The following QTGAL variants were observed in gnomAD, a reference collection of about 807,000 sequenced individuals.
QTGAL encodes the protein queuosine-tRNA galactosyltransferase.
chr17:83,010,642 G>A, the QTGAL span, among the ~76,000 whole-genome samples: 1,007 of 152,358 alleles, frequency 6.6e-3, 8 homozygotes, highest in Non-Finnish European at 0.012. Flanking sequence ...AGAGTGCACC[G>A]CGGACTTCAT....
the QTGAL span, chr17:83,006,334 G>A: frequency 3.0e-6 from 3 of 985,366 alleles, no homozygotes; most frequent in Non-Finnish European, 3.6e-6. The surrounding 1 kb of genome is among the most constrained non-coding windows in gnomAD (Gnocchi z 5.8). Context: ...AGTTAATGAC[G>A]TGCTTGGGGG....
the QTGAL span, among the ~76,000 whole-genome samples, chr17:82,959,769 C>T: frequency 6.6e-6 from 1 of 152,010 alleles, no homozygotes; most frequent in Non-Finnish European, 1.5e-5. Flanking sequence ...CTCGACGGCC[C>T]CTTGTCTCCT....
At chr17:83,028,335 T>A in the QTGAL span, among the ~76,000 whole-genome samples, 15 of 150,460 alleles carry the variant, frequency 1.0e-4, no homozygotes, top group Admixed American at 9.3e-4. Context: ...CCATCCTGGC[T>A]AACACGGTGA....
the QTGAL span, among the ~76,000 whole-genome samples, chr17:83,029,698 GA>G: frequency 6.6e-6 from 1 of 152,162 alleles, no homozygotes; most frequent in South Asian, 2.1e-4. Context: ...GCGTCTGCAC[GA>G]ATAACTCACC....
the QTGAL span, among the ~76,000 whole-genome samples, chr17:83,033,118 C>T: frequency 6.6e-6 from 1 of 152,192 alleles, no homozygotes; most frequent in Non-Finnish European, 1.5e-5. Flanking sequence ...GATAAATGTT[C>T]CTGAAGTTTA....
At chr17:83,000,595 A>G in the QTGAL span, among the ~76,000 whole-genome samples, 3 of 152,226 alleles carry the variant, frequency 2.0e-5, no homozygotes, top group Admixed American at 2.0e-4. Flanking sequence ...TACATGATTT[A>G]AAAACACTAG....
chr17:83,044,197 GC>G, the QTGAL span, among the ~76,000 whole-genome samples: 3 of 152,124 alleles, frequency 2.0e-5, no homozygotes, highest in Non-Finnish European at 4.4e-5. Flanking sequence ...GAACCTACAG[GC>G]CAATAGCCCT....
the QTGAL span, among the ~76,000 whole-genome samples, chr17:82,972,336 T>A: frequency 7.3e-6 from 1 of 136,240 alleles, no homozygotes. Context: ...AAGGACCTGG[T>A]ACTGACCACA....
At chr17:83,009,493 G>A in the QTGAL span, among the ~76,000 whole-genome samples, 2 of 152,312 alleles carry the variant, frequency 1.3e-5, no homozygotes, top group African/African-American at 4.8e-5. Context: ...CCCACGAGGT[G>A]AGTCCCCCCA....
At chr17:83,035,967 G>C in the QTGAL span, among the ~76,000 whole-genome samples, 2 of 136,098 alleles carry the variant, frequency 1.5e-5, no homozygotes, top group Admixed American at 7.3e-5. Flanking sequence ...GGCTGGACGC[G>C]TGGTGGGTGA....
the QTGAL span, among the ~76,000 whole-genome samples, chr17:83,016,945 A>G: frequency 6.6e-6 from 1 of 152,212 alleles, no homozygotes; most frequent in African/African-American, 2.4e-5. Context: ...TGGTCTAGAC[A>G]CCTAATCCCC....
At chr17:82,973,770 G>A in the QTGAL span, among the ~76,000 whole-genome samples, 121,988 of 152,206 alleles carry the variant, frequency 0.8, 49,193 homozygotes, top group African/African-American at 0.89. Context: ...TGAATCTTAC[G>A]AACAGTCGGA....
At chr17:83,034,938 A>T in the QTGAL span, 1 of 1,042,416 alleles carries the variant, frequency 9.6e-7, no homozygotes, top group Non-Finnish European at 1.4e-6. Flanking sequence ...ACCATTAGAA[A>T]AATGATTTTC....
At chr17:83,005,436 C>T in the QTGAL span, 16 of 621,258 alleles carry the variant, frequency 2.6e-5, no homozygotes, top group African/African-American at 9.1e-5. This position sits in a 1 kb window ranked among gnomAD's most constrained non-coding sequence, Gnocchi z 5.6. Flanking sequence ...CGACAGAAGA[C>T]GGCCCTGGAC....
At chr17:82,971,138 C>G in the QTGAL span, among the ~76,000 whole-genome samples, 1 of 152,186 alleles carries the variant, frequency 6.6e-6, no homozygotes, top group Admixed American at 6.5e-5. Flanking sequence ...CAAATTTCAA[C>G]GTTTCACGGG....
the QTGAL span, chr17:82,946,893 C>T: frequency 6.4e-7 from 1 of 1,559,106 alleles, no homozygotes; most frequent in Middle Eastern, 1.7e-4. Flanking sequence ...GAGCAGCTGC[C>T]ATGGGTCCGT....
chr17:82,973,712 G>A, the QTGAL span, among the ~76,000 whole-genome samples: 6 of 152,198 alleles, frequency 3.9e-5, no homozygotes, highest in African/African-American at 7.2e-5. Context: ...AGTTACCTGC[G>A]TGTAGTTGTA....
At chr17:82,970,608 C>CGACCTCCGCACCCAGTGTGGACAT in the QTGAL span, among the ~76,000 whole-genome samples, 2 of 29,738 alleles carry the variant, frequency 6.7e-5, no homozygotes, top group Non-Finnish European at 1.3e-4. Flanking sequence ...GGCGTGGCCG[C>CGACCTCCGCACCCAGTGTGGACAT]GACCTCCCCA....
chr17:82,971,307 C>T, the QTGAL span, among the ~76,000 whole-genome samples: 2 of 152,190 alleles, frequency 1.3e-5, no homozygotes, highest in East Asian at 1.9e-4. Flanking sequence ...GCACAGACAC[C>T]GTGAGGACGG....
Sources: gnomAD v4.1 joint callset for allele counts (sites outside exome capture counted in the v4.1 genomes callset) on GRCh38, gnomAD v4.1.1 for gene constraint, Gnocchi (gnomAD v3.1) non-coding constraint, MANE v1.5 for transcripts, NCBI Gene and HGNC (gene_info 2026-07-23, HGNC 2026-07-21) for gene names.